The following SORCS2 variants were observed in gnomAD, a reference collection of about 807,000 sequenced individuals.
The protein encoded by SORCS2 is VPS10 domain-containing receptor SorCS2.
Under a neutral mutation model 141.6 loss-of-function variants are expected in SORCS2, and 100 were observed. The observed-to-expected ratio is 0.71, with a 90% CI of 0.60 to 0.83. SORCS2 has a LOEUF of 0.83. SORCS2 is among the 40% of genes least tolerant of loss of function. The pLI, the probability that SORCS2 is intolerant of heterozygous loss-of-function variation, is 0.00. For synonymous variants in SORCS2, 789 were observed against 676.9 expected (o/e 1.17, Z -2.57); for missense variants, 1,646 against 1,560.2 (o/e 1.05, Z -0.93).
intron 3 of SORCS2, among the ~76,000 whole-genome samples, chr4:7,638,111 A>G (rs949412968): frequency 2.2e-4 from 34 of 151,928 alleles, no homozygotes; most frequent in Non-Finnish European, 2.9e-5. Context: ...GGCTATAGTT[A>G]GGCTGAGCTG....
At chr4:7,371,106 G>A (rs1722217873) in intron 1 of SORCS2, among the ~76,000 whole-genome samples, 1 of 152,228 alleles carries the variant, frequency 6.6e-6, no homozygotes, top group African/African-American at 2.4e-5. Flanking sequence ...AGAGTGAAGG[G>A]AGCACTTCAC....
intron 2 of SORCS2, among the ~76,000 whole-genome samples, chr4:7,461,994 G>A (rs975833240): frequency 6.6e-6 from 1 of 152,202 alleles, no homozygotes; most frequent in Non-Finnish European, 1.5e-5. Flanking sequence ...GAAAGGCACC[G>A]CATCAGGCTC....
intron 18 of SORCS2, among the ~76,000 whole-genome samples, chr4:7,719,795 G>C (rs1726456356): frequency 6.6e-6 from 1 of 152,210 alleles, no homozygotes; most frequent in Non-Finnish European, 1.5e-5. Context: ...CGCATCTGCG[G>C]AGTGTCTCTA....
At chr4:7,606,441 C>T (rs376366284) in intron 3 of SORCS2, among the ~76,000 whole-genome samples, 9 of 152,072 alleles carry the variant, frequency 5.9e-5, no homozygotes, top group East Asian at 5.8e-4. Flanking sequence ...CTTCTCGTTC[C>T]GACTCCTTGT....
At position 7,211,554 on chromosome 4, in the gene SORCS2, G is replaced by T. The variant is rs374368577; in HGVS notation, c.480+18428G>T. 1.7e-3 allele frequency among the ~76,000 whole-genome samples: 259 copies of T among 152,210 alleles called. 1 individual carries two copies. Among genetic ancestry groups the T allele is most frequent in the African/African-American group, 5.6e-3 (232 of 41,522 alleles). ...CACCTAGCTAATTTTTGTATTTTTG[G>T]TAGAGATGGAGTTTCACCATATTGG... On this transcript the variant is annotated intron_variant, in intron 1 of 26. Transcript: ENST00000507866.
At chr4:7,526,992 C>A (rs540352674) in intron 2 of SORCS2, among the ~76,000 whole-genome samples, 36 of 152,060 alleles carry the variant, frequency 2.4e-4, no homozygotes, top group Non-Finnish European at 3.2e-4. Context: ...TTTCATAGTC[C>A]CAGGGCATCT....
intron 1 of SORCS2, among the ~76,000 whole-genome samples, chr4:7,254,970 G>A (rs1258503796): frequency 6.6e-6 from 1 of 152,154 alleles, no homozygotes; most frequent in Non-Finnish European, 1.5e-5. Flanking sequence ...TGGGCAACGG[G>A]GAGAGCATGG....
At chr4:7,524,469 C>T (rs918011609) in intron 2 of SORCS2, among the ~76,000 whole-genome samples, 14 of 152,122 alleles carry the variant, frequency 9.2e-5, no homozygotes, top group African/African-American at 2.2e-4. Flanking sequence ...CCTCAACTCA[C>T]GCCCTGGCCC....
chr4:7,616,404 T>TATCC lies in SORCS2; in HGVS notation c.649-21910_649-21907dup, dbSNP rs375690279. On this transcript the variant is annotated intron_variant, in intron 3 of 26. Transcript: ENST00000507866. ...ACCATCCACTCATCCATAATCCATC[T>TATCC]ATCCATCCATCCATCCACTTATCCT... Among the ~76,000 whole-genome samples, 370 of 152,116 alleles carry TATCC rather than the reference T, an allele frequency of 2.4e-3. 1 individual carries two copies. The highest frequency in any genetic ancestry group is 8.2e-3 in the African/African-American group (342 of 41,494).
chr4:7,438,066 A>G (rs972051305), intron 2 of SORCS2, among the ~76,000 whole-genome samples: 3 of 152,254 alleles, frequency 2.0e-5, no homozygotes, highest in Non-Finnish European at 4.4e-5. Flanking sequence ...TAGTGTGGAT[A>G]CAATACTAGA....
chr4:7,201,625 C>G lies in SORCS2; in HGVS notation c.480+8499C>G, dbSNP rs1442171064. ...GCTGCCGAGAACCCCTGTGCCTTTT[C>G]CGGTGCAGGAAGAAATGGAGGGGAA... On this transcript the variant is annotated intron_variant, in intron 1 of 26. Coordinates refer to ENST00000507866, the MANE Select transcript of SORCS2 (RefSeq NM_020777.3). This position sits in a 1 kb window ranked among gnomAD's most constrained non-coding sequence, Gnocchi z 4.4. Among the ~76,000 whole-genome samples, 1 of 152,212 alleles carries G rather than the reference C, an allele frequency of 6.6e-6. No individual in the cohort carries two copies. The highest frequency in any genetic ancestry group is 1.9e-4 in the East Asian group (1 of 5,190).
intron 2 of SORCS2, among the ~76,000 whole-genome samples, chr4:7,486,768 G>A (rs1369956822): frequency 6.6e-6 from 1 of 152,172 alleles, no homozygotes; most frequent in Non-Finnish European, 1.5e-5. Context: ...CTCTACAGCT[G>A]CCCTCCCATG....
At chr4:7,203,998 C>CT (rs1290214103) in intron 1 of SORCS2, among the ~76,000 whole-genome samples, 4 of 152,218 alleles carry the variant, frequency 2.6e-5, no homozygotes, top group South Asian at 2.1e-4. Flanking sequence ...AATTTCCTTC[C>CT]TTTTTTTACG....
chr4:7,661,414 A>G (rs1000083091), intron 5 of SORCS2, 86 bp from the exon 6 acceptor site: 2 of 1,429,100 alleles, frequency 1.4e-6, no homozygotes, highest in African/African-American at 2.8e-5. Context: ...CAGGGAGGCC[A>G]CGTGGCTGCA....
At chr4:7,448,734 C>G (rs116599178) in intron 2 of SORCS2, among the ~76,000 whole-genome samples, 1 of 87,414 alleles carries the variant, frequency 1.1e-5, no homozygotes, top group Non-Finnish European at 2.3e-5. Flanking sequence ...CCCTCCCTTC[C>G]GTACTTCCTC....
At position 7,476,506 on chromosome 4, in the gene SORCS2, A is replaced by AT. The variant is rs367746090; in HGVS notation, c.549-55023dup. Among the ~76,000 whole-genome samples the AT allele has an allele frequency of 3.2e-3, 480 of 152,240 alleles. 4 individuals carry two copies. Among genetic ancestry groups the AT allele is most frequent in the African/African-American group, 0.011 (439 of 41,544 alleles). ...CAAAGTCCTCCATAGCAGCGCCTGG[A>AT]TGACTGCTTGATTGGATCACTGGGA... On this transcript the variant is annotated intron_variant, in intron 2 of 26. Transcript: ENST00000507866.
intron 3 of SORCS2, among the ~76,000 whole-genome samples, chr4:7,550,134 G>GTGTGTGTA (rs1553883003): frequency 1.5e-4 from 3 of 20,424 alleles, no homozygotes; most frequent in African/African-American, 2.2e-4. Flanking sequence ...ATGTGTGTAT[G>GTGTGTGTA]TGTGTGTGTG....
chr4:7,552,905 G>A (rs943932020), intron 3 of SORCS2, among the ~76,000 whole-genome samples: 2 of 152,216 alleles, frequency 1.3e-5, no homozygotes, highest in Non-Finnish European at 2.9e-5. Context: ...AGAATGGATG[G>A]AAGGTTAGAA....
intron 3 of SORCS2, among the ~76,000 whole-genome samples, chr4:7,552,175 G>C (rs1320838065): frequency 6.6e-6 from 1 of 152,138 alleles, no homozygotes; most frequent in Non-Finnish European, 1.5e-5. Flanking sequence ...CCCTGACAGG[G>C]AAACAGAAAC....
Sources: allele counts gnomAD v4.1 joint callset (sites outside exome capture counted in the v4.1 genomes callset), GRCh38; gene constraint gnomAD v4.1.1; non-coding constraint Gnocchi (gnomAD v3.1); transcripts MANE v1.5; gene names NCBI Gene and HGNC (gene_info 2026-07-23, HGNC 2026-07-21).